MST1R: variants seen among roughly 807,000 people sequenced by gnomAD.
MST1R encodes the protein macrophage stimulating 1 receptor, also known as macrophage-stimulating protein receptor.
MST1R carries 99 observed loss-of-function variants against 117.8 expected under a neutral mutation model. The ratio of observed to expected loss-of-function variants is 0.84; its 90% CI spans 0.71 to 0.99. The LOEUF (loss-of-function observed/expected upper bound fraction) is 0.99, where lower values mean the gene tolerates loss of function less well. MST1R is among the 50% of genes least tolerant of loss of function. The pLI is 0.00. For synonymous variants in MST1R, 734 were observed against 765.3 expected, an observed-to-expected ratio of 0.96 and a Z score of 0.68; for missense variants, 1,683 against 1,840.2, an observed-to-expected ratio of 0.91 and a Z score of 1.56.
intron 14 of MST1R, among the ~76,000 whole-genome samples, chr3:49,894,817 T>C (rs2082415155): frequency 6.6e-6 from 1 of 152,040 alleles, no homozygotes; most frequent in Non-Finnish European, 1.5e-5. Flanking sequence ...ATGTCATTTT[T>C]TTTTTTTTTG....
At position 49,903,276 on chromosome 3, in the gene MST1R, GGGGTCCTGGGCC is replaced by G. The variant is rs1176982706; in HGVS notation, c.322_333del (p.Gly108_Pro111del). The stretch of plus-strand genomic sequence containing the variant: ...GTGTCTGTGTCACCGGGAGGGCCGT[GGGGTCCTGGGCC>G]ACAGGCTGCACACGTCTGGCAGCCA... On this transcript the variant is annotated inframe_deletion, in exon 1 of 20. Coordinates refer to ENST00000296474, the MANE Select transcript of MST1R (RefSeq NM_002447.4). 1.9e-6 allele frequency: 3 copies of G among 1,610,894 alleles called. No homozygotes were observed. Among genetic ancestry groups the G allele is most frequent in the Non-Finnish European group, 2.5e-6 (3 of 1,179,952 alleles).
rs774898447 is a variant in MST1R at position 49,903,455 on chromosome 3, C to T, written c.155G>A (p.Gly52Glu). The T allele has an allele frequency of 3.1e-6, 5 of 1,613,378 alleles. No homozygotes were observed. In the East Asian group the frequency reaches 6.7e-5, roughly 22 times the overall value. ...GGTCACCATGGCCTGTACCAGGCCT[C>T]CGGCGGAGAAGCTGGGCACCACGTA... The part of the protein sequence containing the change: ...VKYVVPSFSA[G>E]GLVQAMVTYE... The change falls in exon 1 of 20, where the codon GGA becomes GAA. Residue 52 changes from glycine to glutamate, a missense_variant. By Grantham distance (98) the Gly-to-Glu change is moderately conservative. Transcript: ENST00000296474.
At position 49,902,280 on chromosome 3, in the gene MST1R, C is replaced by G. The variant is rs1190270258; in HGVS notation, c.1230+100G>C. Reference sequence around the variant, plus strand: ...GAGAATGCTTCTTTCCGCCTGCCCCCCCACCGCGCCCCCAGATCCCCTCAG... The same window carrying G: ...GAGAATGCTTCTTTCCGCCTGCCCCGCCACCGCGCCCCCAGATCCCCTCAG... On this transcript the variant is annotated intron_variant, in intron 1 of 19. Transcript: ENST00000296474. 10 of 1,469,206 alleles carry G rather than the reference C, an allele frequency of 6.8e-6. No homozygotes were observed. The Admixed American group carries it at 1.1e-4, about 16-fold the overall frequency. The allele number at this position is 1,469,206 out of a possible 1,614,324, so 91.0% of individuals were successfully genotyped here.
chr3:49,903,044 A>G lies in MST1R; in HGVS notation c.566T>C (p.Val189Ala), dbSNP rs772133008. Residue 189 changes from valine to alanine, a missense_variant, in exon 1 of 20, where the codon GTT (valine) becomes GCT (alanine). By Grantham distance (64) the Val-to-Ala change is moderately conservative. Transcript: ENST00000296474. The stretch of plus-strand genomic sequence containing the variant: ...GAAATAGGAGGCCTGGCCTTGCTCA[A>G]CCACAGTTACACGGGTGCCCAATGG... ...ASPLGTRVTV[V>A]EQGQASYFYV... 8 of 1,611,608 alleles carry G rather than the reference A, an allele frequency of 5.0e-6. No homozygotes were observed. Among genetic ancestry groups the G allele is most frequent in the Non-Finnish European group, 6.8e-6 (8 of 1,180,020 alleles).
intron 17 of MST1R, 84 bp downstream of exon 17, chr3:49,891,112 TG>T (rs1370798735): frequency 4.2e-6 from 5 of 1,178,442 alleles, no homozygotes; most frequent in Admixed American, 3.5e-5. Context: ...AAGGCTGGAG[TG>T]GGCCCTTCCC....
intron 1 of MST1R, 45 bp from the exon 2 acceptor site, chr3:49,899,308 G>A (rs758839614): frequency 1.2e-6 from 2 of 1,604,364 alleles, no homozygotes. Context: ...TCAGCCTTGT[G>A]CCCCGACCCT....
chr3:49,891,624 A>C, intron 15 of MST1R, 44 bp from the exon 16 acceptor site: 1 of 1,611,734 alleles, frequency 6.2e-7, no homozygotes, highest in Non-Finnish European at 8.5e-7. Flanking sequence ...GCGTCCCTTT[A>C]TAAGGCTCAG....
chr3:49,891,351 T>C (rs1209416269), intron 16 of MST1R, 45 bp from the exon 17 acceptor site: 3 of 1,612,796 alleles, frequency 1.9e-6, no homozygotes, highest in Non-Finnish European at 2.5e-6. Flanking sequence ...AGCAGCTCCT[T>C]CTCCAGCTGC....
In MST1R at chr3:49,887,149, T is replaced by C; in HGVS notation, c.*158A>G. The C allele has an allele frequency of 2.1e-6, 2 of 974,186 alleles. No homozygotes were observed. The highest frequency in any genetic ancestry group is 3.1e-6 in the Non-Finnish European group (2 of 648,682). 60.3% of individuals were successfully genotyped at this position (974,186 alleles called of 1,614,324 possible). On this transcript the variant is annotated 3_prime_UTR_variant, in exon 20 of 20. Coordinates refer to ENST00000296474, the MANE Select transcript of MST1R (RefSeq NM_002447.4). ...CAGGACTGCCCTCACTGGCTCACTC[T>C]GTGGAGTGAGGGACCTAATGGGCCC... is the stretch of plus-strand genomic sequence containing the variant.
At chr3:49,890,851 G>C (rs1482466770) in intron 17 of MST1R, among the ~76,000 whole-genome samples, 1 of 152,054 alleles carries the variant, frequency 6.6e-6, no homozygotes, top group Admixed American at 6.6e-5. Context: ...TCAGCCTCCT[G>C]AGTAGCTGGG....
At chr3:49,891,111 G>A (rs1575425050) in intron 17 of MST1R, 86 bp downstream of exon 17, 5 of 1,176,848 alleles carry the variant, frequency 4.2e-6, no homozygotes, top group Non-Finnish European at 6.3e-6. Flanking sequence ...CAAGGCTGGA[G>A]TGGGCCCTTC....
intron 18 of MST1R, 87 bp downstream of exon 18, chr3:49,890,398 G>T: frequency 2.1e-6 from 3 of 1,428,444 alleles, no homozygotes; most frequent in African/African-American, 1.4e-5. Flanking sequence ...GGACTCCCTG[G>T]GCTCAGATCA....
intron 9 of MST1R, 38 bp downstream of exon 9, chr3:49,896,502 C>T (rs2082476871): frequency 6.2e-7 from 1 of 1,612,020 alleles, no homozygotes; most frequent in African/African-American, 1.3e-5. Flanking sequence ...TCAGGGAACT[C>T]ATCCAGCCTT....
chr3:49,895,093 G>A, intron 14 of MST1R, 74 bp downstream of exon 14: 2 of 1,535,142 alleles, frequency 1.3e-6, no homozygotes, highest in African/African-American at 1.4e-5. Context: ...TTACAGGAGT[G>A]AGCCACCACG....
intron 1 of MST1R, among the ~76,000 whole-genome samples, chr3:49,900,369 G>A (rs1050038655): frequency 3.3e-5 from 5 of 152,134 alleles, no homozygotes; most frequent in African/African-American, 1.2e-4. Context: ...ATGAACTCGC[G>A]GTGTTGGAGC....
At chr3:49,892,799 C>T (rs949375782) in intron 14 of MST1R, among the ~76,000 whole-genome samples, 11 of 151,212 alleles carry the variant, frequency 7.3e-5, no homozygotes, top group African/African-American at 2.7e-4. Flanking sequence ...ACTAAAACTA[C>T]AAAAATTAGA....
intron 10 of MST1R, 34 bp downstream of exon 10, chr3:49,896,161 C>A: frequency 6.2e-7 from 1 of 1,614,166 alleles, no homozygotes; most frequent in Non-Finnish European, 8.5e-7. Context: ...CTTTCAGATC[C>A]CCAACTGTCC....
intron 19 of MST1R, among the ~76,000 whole-genome samples, chr3:49,889,252 G>A (rs2082244867): frequency 6.6e-6 from 1 of 152,190 alleles, no homozygotes; most frequent in African/African-American, 2.4e-5. Flanking sequence ...CTGGATATGG[G>A]TAGGCAGTGA....
At chr3:49,895,032 C>T (rs889250704) in intron 14 of MST1R, 135 bp downstream of exon 14, 8 of 844,506 alleles carry the variant, frequency 9.5e-6, no homozygotes, top group South Asian at 4.5e-5. Flanking sequence ...AGGACGGTCT[C>T]GATCTCCTGA....
Sources: allele counts gnomAD v4.1 joint callset (sites outside exome capture counted in the v4.1 genomes callset), GRCh38; gene constraint gnomAD v4.1.1; transcripts MANE v1.5; gene names NCBI Gene and HGNC (gene_info 2026-07-23, HGNC 2026-07-21).